Variants in ETV6 observed in about 807,000 individuals in gnomAD.
ETV6 encodes the protein transcription factor ETV6.
ETV6 carries 16 observed loss-of-function variants against 51.1 expected under a neutral mutation model. The ratio of observed to expected loss-of-function variants is 0.31; its 90% confidence interval spans 0.21 to 0.48. The LOEUF is 0.48. Ranked by LOEUF, ETV6 falls within the 20% of genes least tolerant of loss-of-function variation. ETV6 has a pLI of 0.99. For synonymous variants in ETV6, 240 were observed against 224.1 expected (o/e 1.07, Z -0.64); for missense variants, 458 against 594.8 (o/e 0.77, Z 2.39).
At chr12:11,864,046 C>G (rs974893076) in intron 4 of ETV6, among the ~76,000 whole-genome samples, 2 of 152,234 alleles carry the variant, frequency 1.3e-5, no homozygotes, top group African/African-American at 4.8e-5. Context: ...CCTCCAAGTC[C>G]TGTTCCTGCC....
chr12:11,750,609 A>G (rs1866003292), intron 1 of ETV6, among the ~76,000 whole-genome samples: 1 of 152,280 alleles, frequency 6.6e-6, no homozygotes, highest in African/African-American at 2.4e-5. Flanking sequence ...ACAGAAAGCT[A>G]TTTCCGAGAA....
At chr12:11,821,544 A>G (rs775089707) in intron 2 of ETV6, among the ~76,000 whole-genome samples, 3 of 151,878 alleles carry the variant, frequency 2.0e-5, no homozygotes, top group Non-Finnish European at 4.4e-5. Flanking sequence ...AAGCATCAAA[A>G]TGGAGATGTT....
chr12:11,747,249 T>C (rs1865925112), intron 1 of ETV6, among the ~76,000 whole-genome samples: 1 of 152,218 alleles, frequency 6.6e-6, no homozygotes, highest in African/African-American at 2.4e-5. Context: ...AAGATGAATG[T>C]TGAGACCCAA....
chr12:11,677,269 C>A (rs1457075000), intron 1 of ETV6, among the ~76,000 whole-genome samples: 2 of 152,194 alleles, frequency 1.3e-5, no homozygotes, highest in South Asian at 4.1e-4. Flanking sequence ...CTTTCTCTCT[C>A]TCCTCCCTCC....
rs886645133 is a variant in ETV6 at position 11,891,355 on chromosome 12, GTGTTTT to G, written c.*328_*333del. ...CCCTTCCACCGTTGTTAGTATCATG[GTGTTTT>G]TGTTTTTGTTTTTGTTTTAAGAACC... On this transcript the variant is annotated 3_prime_UTR_variant, in exon 8 of 8. Coordinates refer to ENST00000396373, the MANE Select transcript of ETV6 (RefSeq NM_001987.5). 4.4e-4 allele frequency: 156 copies of G among 357,584 alleles called. No homozygotes were observed. Among genetic ancestry groups the G allele is most frequent in the African/African-American group, 4.6e-4 (22 of 47,982 alleles). The allele number at this position is 357,584 out of a possible 1,614,324, so 22.2% of individuals were successfully genotyped here.
intron 3 of ETV6, among the ~76,000 whole-genome samples, chr12:11,851,379 C>T (rs905105325): frequency 6.6e-6 from 1 of 152,068 alleles, no homozygotes; most frequent in Admixed American, 6.6e-5. Flanking sequence ...AGTCATTACA[C>T]GAAACCAAAA....
chr12:11,778,229 G>A (rs1452043145), intron 2 of ETV6, among the ~76,000 whole-genome samples: 1 of 152,228 alleles, frequency 6.6e-6, no homozygotes, highest in Non-Finnish European at 1.5e-5. Flanking sequence ...TGCTTATGAA[G>A]GGCCCTGTCC....
In ETV6 at chr12:11,703,113, A is replaced by G. The variant is rs970223152; in HGVS notation, c.34-49337A>G. Among the ~76,000 whole-genome samples the G allele has an allele frequency of 5.9e-5, 9 of 152,328 alleles. No homozygotes were observed. The East Asian group carries it at 1.5e-3, about 26-fold the overall frequency. On this transcript the variant is annotated intron_variant, in intron 1 of 7. Coordinates refer to ENST00000396373, the MANE Select transcript of ETV6 (RefSeq NM_001987.5). ...CAGAGTGAGACCTCCTCTGGAAGAA[A>G]ACAAACAAGTGACATTTATAGGAGG...
At chr12:11,838,506 G>T (rs972105329) in intron 2 of ETV6, among the ~76,000 whole-genome samples, 1 of 152,222 alleles carries the variant, frequency 6.6e-6, no homozygotes, top group Non-Finnish European at 1.5e-5. Context: ...GAATAAAAAG[G>T]CAGAAGACCT....
intron 1 of ETV6, among the ~76,000 whole-genome samples, chr12:11,712,661 T>C (rs1288662708): frequency 6.6e-6 from 1 of 152,108 alleles, no homozygotes; most frequent in African/African-American, 2.4e-5. Context: ...GAGACCCAAG[T>C]TTTTTTCTCT....
chr12:11,729,892 A>G (rs1865561118), intron 1 of ETV6, among the ~76,000 whole-genome samples: 1 of 152,218 alleles, frequency 6.6e-6, no homozygotes, highest in African/African-American at 2.4e-5. Flanking sequence ...CAGGTAGACC[A>G]GCTGTCCTGG....
At chr12:11,826,495 C>G (rs1946155425) in intron 2 of ETV6, 1 of 152,316 alleles carries the variant, frequency 6.6e-6, no homozygotes, top group Non-Finnish European at 1.5e-5. Flanking sequence ...CTCCTACCAT[C>G]CTGCCTCCAG....
chr12:11,853,590 C>T (rs1295566226), intron 4 of ETV6, 29 bp downstream of exon 4: 1 of 1,612,788 alleles, frequency 6.2e-7, no homozygotes, highest in East Asian at 2.2e-5. Flanking sequence ...CTTTTCTTGC[C>T]TGAGGTTTAG....
At chr12:11,858,472 A>G (rs1591725380) in intron 4 of ETV6, among the ~76,000 whole-genome samples, 1 of 152,136 alleles carries the variant, frequency 6.6e-6, no homozygotes, top group East Asian at 1.9e-4. Flanking sequence ...CAAAAACTCA[A>G]CGGAAACATA....
intron 1 of ETV6, among the ~76,000 whole-genome samples, chr12:11,736,640 T>C (rs575328888): frequency 2.3e-4 from 35 of 152,308 alleles, no homozygotes; most frequent in African/African-American, 7.5e-4. Flanking sequence ...GGGATCATAG[T>C]AGGTAAGGTG....
chr12:11,785,659 A>AT (rs1052526610), intron 2 of ETV6, among the ~76,000 whole-genome samples: 1 of 152,100 alleles, frequency 6.6e-6, no homozygotes, highest in Admixed American at 6.6e-5. Flanking sequence ...TGCTAATGTT[A>AT]TTTTTTCATT....
At chr12:11,749,351 C>CACT (rs1865977361) in intron 1 of ETV6, among the ~76,000 whole-genome samples, 1 of 120,640 alleles carries the variant, frequency 8.3e-6, no homozygotes, top group African/African-American at 3.3e-5. Context: ...ACACACACAC[C>CACT]CCTACTCCCC....
chr12:11,759,753 G>A (rs1211334843), intron 2 of ETV6, among the ~76,000 whole-genome samples: 2 of 134,276 alleles, frequency 1.5e-5, no homozygotes, highest in Non-Finnish European at 3.2e-5. Flanking sequence ...TTTCTGGCAG[G>A]TGTGATAAAG....
chr12:11,797,144 G>A (rs1294321917), intron 2 of ETV6, among the ~76,000 whole-genome samples: 1 of 152,144 alleles, frequency 6.6e-6, no homozygotes, highest in East Asian at 1.9e-4. Context: ...GTCCCTAACA[G>A]ATCTAATCAT....
Sources: allele counts gnomAD v4.1 joint callset (sites outside exome capture counted in the v4.1 genomes callset), GRCh38; gene constraint gnomAD v4.1.1; transcripts MANE v1.5; gene names NCBI Gene and HGNC (gene_info 2026-07-23, HGNC 2026-07-21).